The following TTN variants were observed in gnomAD, a reference collection of about 807,000 sequenced individuals.
TTN encodes the protein connectin.
TTN carries 1,525 observed loss-of-function variants against 3,223.0 expected under a neutral mutation model. The observed-to-expected ratio is 0.47, with a 90% CI of 0.45 to 0.49. TTN has a LOEUF of 0.49. TTN is among the 20% of genes least tolerant of loss of function. The pLI, the probability that TTN is intolerant of heterozygous loss-of-function variation, is 0.00. For synonymous variants in TTN, 14,094 were observed against 15,161.0 expected (o/e 0.93, Z 5.17); for missense variants, 40,786 against 43,424.0 (o/e 0.94, Z 5.40).
intron 120 of TTN, 41 bp from the exon 121 acceptor site, chr2:178,692,140 G>C: frequency 6.5e-7 from 1 of 1,550,110 alleles, no homozygotes; most frequent in Non-Finnish European, 8.9e-7. Context: ...GAATATTCTA[G>C]TCACCTTCTG....
At position 178,741,643 on chromosome 2, in the gene TTN, C is replaced by G. The variant is rs748910775; in HGVS notation, c.11590G>C (p.Ala3864Pro). ...CCGTCAAAAACAAATTTGTAGTCAG[C>G]AGAAGGGGTTAATAGCACTCCATTA... ...FFNGVLLTPS[A>P]DYKFVFDGDD... Residue 3864 changes from alanine (A) to proline (P), a missense_variant, in exon 48 of 363, where the codon GCT (alanine) becomes CCT (proline). Coordinates refer to ENST00000589042, the MANE Select transcript of TTN (RefSeq NM_001267550.2). The G allele has an allele frequency of 6.2e-7, 1 of 1,613,792 alleles. No homozygotes were observed. The highest frequency in any genetic ancestry group is 1.7e-5 in the Admixed American group (1 of 59,996).
rs912930370 is a variant in TTN at position 178,774,136 on chromosome 2, T to C, written c.7058-26A>G. 3.1e-6 allele frequency: 5 copies of C among 1,613,956 alleles called. No individual in the cohort carries two copies. The African/African-American group carries it at 5.3e-5, about 17-fold the overall frequency. On this transcript the variant is annotated intron_variant, in intron 30 of 362. Coordinates refer to ENST00000589042, the MANE Select transcript of TTN (RefSeq NM_001267550.2). ...CTGTGAAATATGGGGAGAAAAAGAA[T>C]GTTATGATCATTTTTTATCAATAAA... is the stretch of plus-strand genomic sequence containing the variant.
rs761872288 is a variant in TTN, at chr2:178,696,289, T to G, written c.30803-20A>C. The G allele has an allele frequency of 1.3e-6, 2 of 1,483,490 alleles. No individual in the cohort carries two copies. The highest frequency in any genetic ancestry group is 2.8e-5 in the South Asian group (2 of 70,698). 91.9% of individuals were successfully genotyped at this position (1,483,490 alleles called of 1,614,324 possible). Reference sequence around the variant, plus strand: ...CAGGAGCTAAAATAGATAAAGATACTATTAGCATATTAATTCTATCCATCC... The same window carrying G: ...CAGGAGCTAAAATAGATAAAGATACGATTAGCATATTAATTCTATCCATCC... On this transcript the variant is annotated intron_variant, in intron 113 of 362. Transcript: ENST00000589042.
At position 178,701,171 on chromosome 2, in the gene TTN, G is replaced by C; in HGVS notation, c.30631C>G (p.Leu10211Val). 2.5e-6 allele frequency: 4 copies of C among 1,613,688 alleles called. No individual in the cohort carries two copies. The highest frequency in any genetic ancestry group is 3.4e-6 in the Non-Finnish European group (4 of 1,179,720). Residue 10211 changes from leucine (L) to valine (V), a missense_variant, in exon 111 of 363, where the codon CTT (leucine) becomes GTT (valine). Leu to Val is a conservative substitution (Grantham distance 32, BLOSUM62 1). Transcript: ENST00000589042. The stretch of plus-strand genomic sequence containing the variant: ...TTTTCTTCGGGTGTTGGTAGCAAAA[G>C]GGGGATAGGAGGAGCAACCACAGGA... ...IPPVVAPPIP[L>V]LLPTPEEKKP...
In TTN at chr2:178,694,641, GT is replaced by G; in HGVS notation, c.31383del (p.Lys10461AsnfsTer14). The G allele has an allele frequency of 6.4e-7, 1 of 1,559,296 alleles. No individual in the cohort carries two copies. The highest frequency in any genetic ancestry group is 1.9e-5 in the Admixed American group (1 of 52,600). ...PEVSKKIVPQ[K>X]PSRTPVQEEV... ...TCTTCCTGTACTGGAGTCCGGGAAG[GT>G]TTTTGTGGAACAATCTTCTTTGAAA... On this transcript the variant is annotated frameshift_variant, in exon 117 of 363. Transcript: ENST00000589042. LOFTEE classifies it high-confidence loss of function.
intron 354 of TTN, 120 bp from the exon 355 acceptor site, chr2:178,538,037 G>T: frequency 1.0e-6 from 1 of 960,234 alleles, no homozygotes; most frequent in Non-Finnish European, 1.5e-6. Context: ...TTACATATTA[G>T]CCTAATTCTT....
chr2:178,645,116 T>C (rs2061727669), intron 217 of TTN: 1 of 152,114 alleles, frequency 6.6e-6, no homozygotes, highest in African/African-American at 2.4e-5. Flanking sequence ...TAATTTTAGA[T>C]TGGGGAATCA....
At chr2:178,627,255 GA>G (rs2059188804) in intron 240 of TTN, among the ~76,000 whole-genome samples, 1 of 151,884 alleles carries the variant, frequency 6.6e-6, no homozygotes, top group Non-Finnish European at 1.5e-5. Flanking sequence ...CAACAACAAA[GA>G]AAAAATGCAA....
rs375565646 is a variant in TTN, at chr2:178,558,510, T to C, written c.86949A>G (p.Glu28983=). The C allele has an allele frequency of 9.4e-5, 151 of 1,613,718 alleles. 1 individual carries two copies. Among genetic ancestry groups the C allele is most frequent in the Middle Eastern group, 3.3e-4 (2 of 6,084 alleles). ...ATTTAACCCAGTTTTTCTGTCCTTT[T>C]TCTAGTGCTTCAACGACATAGTGTA... The part of the protein sequence containing the change: ...RIVHYVVEAL[E]KGQKNWVKCA... Residue 28983 remains glutamate, a synonymous_variant, in exon 327 of 363, where the codon GAA becomes GAG. Transcript: ENST00000589042.
In TTN at chr2:178,768,083, C is replaced by T. The variant is rs2154341551; in HGVS notation, c.9236G>A (p.Cys3079Tyr). 2 of 1,614,144 alleles carry T rather than the reference C, an allele frequency of 1.2e-6. No homozygotes were observed. The highest frequency in any genetic ancestry group is 1.7e-6 in the Non-Finnish European group (2 of 1,180,012). Residue 3079 changes from cysteine to tyrosine, a missense_variant, in exon 39 of 363, where the codon TGT becomes TAT. Physicochemically the swap from Cys to Tyr is radical, Grantham distance 194 (BLOSUM62 -2). Transcript: ENST00000589042. Reference protein sequence around the residue: ...VLEKKRAMFECEVSEPDITVQ... With the variant: ...VLEKKRAMFEYEVSEPDITVQ... ...AGTGATGTCAGGTTCAGAAACTTCA[C>T]ATTCAAACATGGCTCGCTTCTTCTC... is the stretch of plus-strand genomic sequence containing the variant.
chr2:178,713,505 A>AT, intron 92 of TTN, 133 bp from the exon 93 acceptor site: 1 of 1,331,498 alleles, frequency 7.5e-7, no homozygotes. Flanking sequence ...TTGTGACGGT[A>AT]TTAAAAACTC....
chr2:178,573,617 T>C lies in TTN; in HGVS notation c.72515A>G (p.Asn24172Ser), dbSNP rs772817909. 1 of 1,500,466 alleles carries C rather than the reference T, an allele frequency of 6.7e-7. No individual in the cohort carries two copies. Among genetic ancestry groups the C allele is most frequent in the Non-Finnish European group, 8.9e-7 (1 of 1,127,516 alleles). The allele number at this position is 1,500,466 out of a possible 1,614,324, so 92.9% of individuals were successfully genotyped here. Residue 24172 changes from asparagine (N) to serine (S), a missense_variant, in exon 326 of 363, where the codon AAT becomes AGT. Coordinates refer to ENST00000589042, the MANE Select transcript of TTN (RefSeq NM_001267550.2). ...KRETSRLAWT[N>S]VASEVQVTKL... ...TGTTACTTGGACTTCTGAGGCTACATTTGTCCATGCCAATCTGCTGGTTTC... is the reference window on the plus strand; with the variant it reads ...TGTTACTTGGACTTCTGAGGCTACACTTGTCCATGCCAATCTGCTGGTTTC...
At chr2:178,748,098 T>C in intron 47 of TTN, 1 of 1,613,154 alleles carries the variant, frequency 6.2e-7, no homozygotes, top group Non-Finnish European at 8.5e-7. Flanking sequence ...CTTGCTGCTT[T>C]TTTCAAATGT....
intron 14 of TTN, 37 bp downstream of exon 14, chr2:178,785,811 C>T (rs2093133478): frequency 1.9e-6 from 3 of 1,613,904 alleles, no homozygotes; most frequent in South Asian, 1.1e-5. Flanking sequence ...CTTGCTTTAC[C>T]ATGAACAAGG....
intron 218 of TTN, among the ~76,000 whole-genome samples, chr2:178,642,985 A>G (rs1032074946): frequency 2.6e-5 from 4 of 152,058 alleles, no homozygotes; most frequent in African/African-American, 4.8e-5. Flanking sequence ...AAGGAATTCA[A>G]AATTTCCTGT....
intron 159 of TTN, among the ~76,000 whole-genome samples, chr2:178,668,139 A>G (rs554467621): frequency 6.6e-6 from 1 of 152,290 alleles, no homozygotes; most frequent in South Asian, 2.1e-4. Context: ...AAGCCTCATT[A>G]TCTATATTTT....
At chr2:178,781,367 G>C (rs749960748) in intron 20 of TTN, 104 bp from the exon 21 acceptor site, 15 of 1,313,788 alleles carry the variant, frequency 1.1e-5, no homozygotes, top group Non-Finnish European at 1.6e-5. Flanking sequence ...AAAATTCAAT[G>C]ACCCTAAACA....
chr2:178,795,092 T>C lies in TTN; in HGVS notation c.1075A>G (p.Met359Val), dbSNP rs2093695902. 3 of 1,614,032 alleles carry C rather than the reference T, an allele frequency of 1.9e-6. No homozygotes were observed. Among genetic ancestry groups the C allele is most frequent in the Middle Eastern group, 1.6e-4 (1 of 6,062 alleles). The part of the protein sequence containing the change: ...GYVASSSEAE[M>V]RETTLTTSTQ... ...GAGGTTGTCAGCGTTGTCTCTCTCA[T>C]CTCAGCCTCAGATGAGGAGGCCACG... The change falls in exon 7 of 363, where the codon ATG (methionine) becomes GTG (valine). Residue 359 changes from methionine (M) to valine (V), a missense_variant. Coordinates refer to ENST00000589042, the MANE Select transcript of TTN (RefSeq NM_001267550.2).
At position 178,741,867 on chromosome 2, in the gene TTN, A is replaced by G; in HGVS notation, c.11366T>C (p.Leu3789Pro). 6.3e-7 allele frequency: 1 copy of G among 1,586,024 alleles called. No homozygotes were observed. ...TGTTTCATTTATTTTAGATAATTGA[A>G]GTTCGGCGCTATGAAGTCCTTCTTC... is the stretch of plus-strand genomic sequence containing the variant. The part of the protein sequence containing the change: ...AEEEGLHSAE[L>P]QLSKINETLE... The change falls in exon 48 of 363, where the codon CTT becomes CCT. Residue 3789 changes from leucine to proline, a missense_variant. By Grantham distance (98) the Leu-to-Pro change is moderately conservative. Coordinates refer to ENST00000589042, the MANE Select transcript of TTN (RefSeq NM_001267550.2).
Sources: gnomAD v4.1 joint callset for allele counts (sites outside exome capture counted in the v4.1 genomes callset) on GRCh38, gnomAD v4.1.1 for gene constraint, MANE v1.5 for transcripts, NCBI Gene and HGNC (gene_info 2026-07-23, HGNC 2026-07-21) for gene names.